The following JARID2 variants were observed in gnomAD, a reference collection of about 807,000 sequenced individuals.
JARID2 encodes the protein jumonji and AT-rich interaction domain containing 2.
In JARID2, 21 loss-of-function variants were observed where a neutral mutation model predicts 125.6. The observed-to-expected ratio is 0.17, with a 90% CI of 0.12 to 0.24. The LOEUF is 0.24. Among genes scored for constraint, JARID2 ranks in the 10% least tolerant of loss-of-function variants. The pLI, the probability that JARID2 is intolerant of heterozygous loss-of-function variation, is 1.00. For synonymous variants in JARID2, 736 were observed against 661.6 expected, an observed-to-expected ratio of 1.11 and a Z score of -1.73; for missense variants, 1,303 against 1,639.6, an observed-to-expected ratio of 0.79 and a Z score of 3.55.
chr6:15,496,770 C>T lies in JARID2; in HGVS notation c.1545C>T (p.Gly515=). ...GCACGCCAGGCAGACAAGCACATGGCAAGGCGGACAGCGCCTCCTGTGAAA... is the reference window on the plus strand; with the variant it reads ...GCACGCCAGGCAGACAAGCACATGGTAAGGCGGACAGCGCCTCCTGTGAAA... ...GKSTPGRQAH[G]KADSASCENR... Residue 515 remains glycine, a synonymous_variant, in exon 7 of 18, where the codon GGC becomes GGT. Coordinates refer to ENST00000341776, the MANE Select transcript of JARID2 (RefSeq NM_004973.4). 1 of 1,613,082 alleles carries T rather than the reference C, an allele frequency of 6.2e-7. No homozygotes were observed. Among genetic ancestry groups the T allele is most frequent in the Non-Finnish European group, 8.5e-7 (1 of 1,179,698 alleles).
At chr6:15,278,108 C>T (rs1760604720) in intron 1 of JARID2, among the ~76,000 whole-genome samples, 1 of 151,872 alleles carries the variant, frequency 6.6e-6, no homozygotes, top group Admixed American at 6.6e-5. Flanking sequence ...ATTAGCATGC[C>T]TGTAATCCCA....
At chr6:15,329,538 C>A (rs1762637948) in intron 1 of JARID2, among the ~76,000 whole-genome samples, 1 of 152,276 alleles carries the variant, frequency 6.6e-6, no homozygotes, top group East Asian at 1.9e-4. Flanking sequence ...GTCCTTATCC[C>A]CACTGGAGGA....
intron 3 of JARID2, among the ~76,000 whole-genome samples, chr6:15,416,425 T>C (rs1470922382): frequency 6.6e-6 from 1 of 152,142 alleles, no homozygotes. Context: ...CCAGACTCCG[T>C]CTGCAATCCC....
intron 2 of JARID2, among the ~76,000 whole-genome samples, chr6:15,382,267 C>T (rs1352124474): frequency 6.6e-6 from 1 of 152,162 alleles, no homozygotes; most frequent in Non-Finnish European, 1.5e-5. Context: ...TCTCAAAAAA[C>T]AGAACCAAAA....
chr6:15,458,959 A>T (rs527504346), intron 4 of JARID2, among the ~76,000 whole-genome samples: 2 of 152,356 alleles, frequency 1.3e-5, no homozygotes, highest in Non-Finnish European at 2.9e-5. Flanking sequence ...GTGACATCAT[A>T]ATACACCTAT....
At chr6:15,464,213 C>T (rs1461147317) in intron 4 of JARID2, among the ~76,000 whole-genome samples, 1 of 152,198 alleles carries the variant, frequency 6.6e-6, no homozygotes, top group African/African-American at 2.4e-5. Flanking sequence ...TCTGTGGCTT[C>T]TCTGGGTCTG....
chr6:15,375,595 A>G (rs1304707079), intron 2 of JARID2, among the ~76,000 whole-genome samples: 1 of 152,220 alleles, frequency 6.6e-6, no homozygotes, highest in Non-Finnish European at 1.5e-5. Flanking sequence ...TCCAGCAGAG[A>G]GGGACCCTAG....
intron 1 of JARID2, among the ~76,000 whole-genome samples, chr6:15,321,735 G>C (rs531932543): frequency 6.7e-6 from 1 of 149,574 alleles, no homozygotes; most frequent in South Asian, 2.1e-4. Context: ...TTCAATAATA[G>C]AGTGTGAGTT....
At chr6:15,437,887 GA>G (rs1486884927) in intron 3 of JARID2, among the ~76,000 whole-genome samples, 1 of 152,174 alleles carries the variant, frequency 6.6e-6, no homozygotes, top group African/African-American at 2.4e-5. Context: ...ATTCTTAGAA[GA>G]GGGTGGAGAA....
intron 12 of JARID2, among the ~76,000 whole-genome samples, chr6:15,511,054 G>A (rs767381333): frequency 6.6e-6 from 1 of 152,212 alleles, no homozygotes; most frequent in Non-Finnish European, 1.5e-5. Context: ...CATAAAAGAT[G>A]AGCATCTCGC....
chr6:15,309,683 G>GTATA (rs61238284), intron 1 of JARID2, among the ~76,000 whole-genome samples: 6 of 150,772 alleles, frequency 4.0e-5, no homozygotes, highest in East Asian at 1.9e-4. Context: ...GTGTGTGTGT[G>GTATA]TATATATATA....
At chr6:15,314,636 TAC>T (rs1561787257) in intron 1 of JARID2, among the ~76,000 whole-genome samples, 2 of 152,176 alleles carry the variant, frequency 1.3e-5, no homozygotes, top group African/African-American at 4.8e-5. Flanking sequence ...ACCCTGGAGA[TAC>T]AGTTGAGGCC....
chr6:15,513,068 G>A lies in JARID2; in HGVS notation c.3266+23G>A, dbSNP rs192465370. The A allele has an allele frequency of 5.1e-5, 82 of 1,613,740 alleles. No individual in the cohort carries two copies. In the East Asian group the frequency reaches 1.6e-3, roughly 32 times the overall value. ...CAGGTAACAGACCCCCAGAGCCCACGCCAGAGAGCTGGACCCGGCTGCCCT... is the reference window on the plus strand; with the variant it reads ...CAGGTAACAGACCCCCAGAGCCCACACCAGAGAGCTGGACCCGGCTGCCCT... On this transcript the variant is annotated intron_variant, in intron 15 of 17. Coordinates refer to ENST00000341776, the MANE Select transcript of JARID2 (RefSeq NM_004973.4).
intron 1 of JARID2, among the ~76,000 whole-genome samples, chr6:15,278,024 GA>G (rs1184761245): frequency 1.3e-5 from 2 of 151,998 alleles, no homozygotes; most frequent in Non-Finnish European, 2.9e-5. Context: ...GAGGTGGGTG[GA>G]TCATTTCAGA....
At chr6:15,340,617 T>TGCCCCAA (rs1561802376) in intron 1 of JARID2, among the ~76,000 whole-genome samples, 19 of 152,210 alleles carry the variant, frequency 1.2e-4, no homozygotes, top group African/African-American at 4.3e-4. Flanking sequence ...GGGCAGACTT[T>TGCCCCAA]TATTCATTCA....
chr6:15,413,751 C>T (rs904077385), intron 3 of JARID2, among the ~76,000 whole-genome samples: 11 of 152,184 alleles, frequency 7.2e-5, no homozygotes, highest in Non-Finnish European at 1.2e-4. Context: ...GGACTACAGT[C>T]AGTCACATGC....
chr6:15,291,843 ACTC>A (rs1318963629), intron 1 of JARID2, among the ~76,000 whole-genome samples: 3 of 151,918 alleles, frequency 2.0e-5, no homozygotes, highest in African/African-American at 7.3e-5. Flanking sequence ...ATATTTTTGT[ACTC>A]CTACTGTATA....
At chr6:15,361,631 C>A (rs1164753709) in intron 1 of JARID2, among the ~76,000 whole-genome samples, 1 of 151,220 alleles carries the variant, frequency 6.6e-6, no homozygotes, top group East Asian at 1.9e-4. Flanking sequence ...TTTTTTTTGG[C>A]GGGAGGGTGG....
chr6:15,401,121 G>C, intron 2 of JARID2: 1 of 1,282,548 alleles, frequency 7.8e-7, no homozygotes, highest in South Asian at 1.2e-5. Context: ...CCCTGCTGGG[G>C]TCCTGATTAA....
Sources: gnomAD v4.1 joint callset for allele counts (sites outside exome capture counted in the v4.1 genomes callset) on GRCh38, gnomAD v4.1.1 for gene constraint, MANE v1.5 for transcripts, NCBI Gene and HGNC (gene_info 2026-07-23, HGNC 2026-07-21) for gene names.